Variants in ITGA1 observed in about 807,000 individuals in gnomAD.
The protein encoded by ITGA1 is integrin alpha-1.
A neutral mutation model predicts 145.9 loss-of-function variants in ITGA1; 85 were observed. The observed-to-expected ratio is 0.58, with a 90% CI of 0.49 to 0.70. ITGA1 has a LOEUF of 0.70. ITGA1 is among the 30% of genes least tolerant of loss of function. ITGA1 has a pLI of 0.00. For synonymous variants in ITGA1, 520 were observed against 495.3 expected, an observed-to-expected ratio of 1.05 and a Z score of -0.66; for missense variants, 1,351 against 1,418.7, an observed-to-expected ratio of 0.95 and a Z score of 0.77.
At chr5:52,797,881 A>G (rs78157464) in intron 1 of ITGA1, among the ~76,000 whole-genome samples, 2,357 of 152,328 alleles carry the variant, frequency 0.015, 66 homozygotes, top group African/African-American at 0.054. Context: ...CTCTTCAATA[A>G]AAACCTTTTG....
At chr5:52,947,501 C>A in intron 28 of ITGA1, 40 bp downstream of exon 28, 2 of 1,103,958 alleles carry the variant, frequency 1.8e-6, no homozygotes, top group Non-Finnish European at 2.8e-6. Flanking sequence ...CTTCAATCAT[C>A]AACAGCAAAC....
Position 52,905,881 on chromosome 5 carries a change from A to T in ITGA1, c.1428A>T (p.Lys476Asn). ...IIYRMEDGNI[K>N]ILQTLSGEQI... ...ACAGGATGGAAGATGGAAACATCAA[A>T]ATTCTCCAGACGCTCAGTGGAGAAC... Residue 476 changes from lysine (K) to asparagine (N), a missense_variant, in exon 12 of 29, where the codon AAA (lysine) becomes AAT (asparagine). By Grantham distance (94) the Lys-to-Asn change is moderately conservative. Transcript: ENST00000282588. 1 of 1,613,388 alleles carries T rather than the reference A, an allele frequency of 6.2e-7. No homozygotes were observed. Among genetic ancestry groups the T allele is most frequent in the Non-Finnish European group, 8.5e-7 (1 of 1,179,538 alleles).
chr5:52,898,690 C>G (rs1289341161), intron 11 of ITGA1, among the ~76,000 whole-genome samples: 1 of 152,102 alleles, frequency 6.6e-6, no homozygotes, highest in Non-Finnish European at 1.5e-5. Flanking sequence ...TCAAGGAGAA[C>G]TTTGAACCTG....
At chr5:52,801,448 G>A (rs746603199) in intron 1 of ITGA1, 3 of 1,614,074 alleles carry the variant, frequency 1.9e-6, no homozygotes, top group African/African-American at 1.3e-5. Flanking sequence ...CCTGAAAGAG[G>A]CCCTTTGTGA....
chr5:52,800,033 CCT>C (rs2111659829), intron 1 of ITGA1: 1 of 293,814 alleles, frequency 3.4e-6, no homozygotes, highest in South Asian at 3.7e-5. Flanking sequence ...TGCGGCCCCG[CCT>C]CTCCTTTGGG....
At chr5:52,872,113 T>C (rs889953702) in intron 6 of ITGA1, among the ~76,000 whole-genome samples, 3 of 152,334 alleles carry the variant, frequency 2.0e-5, no homozygotes, top group Non-Finnish European at 2.9e-5. Context: ...AAGTGTAGCA[T>C]AGCATTAAAC....
chr5:52,789,456 G>GA (rs1189518891), intron 1 of ITGA1, among the ~76,000 whole-genome samples: 5 of 152,164 alleles, frequency 3.3e-5, no homozygotes, highest in Non-Finnish European at 7.4e-5. Context: ...ACCTGCCTTA[G>GA]ATGGCCAAGC....
chr5:52,940,826 G>T (rs1209576098), intron 26 of ITGA1, among the ~76,000 whole-genome samples: 1 of 152,010 alleles, frequency 6.6e-6, no homozygotes, highest in East Asian at 1.9e-4. Context: ...TAGATACAGG[G>T]AGTATACATG....
At chr5:52,901,990 C>A (rs550397385) in intron 11 of ITGA1, 2 of 152,102 alleles carry the variant, frequency 1.3e-5, no homozygotes, top group African/African-American at 4.8e-5. Context: ...GGACAAATAC[C>A]TTGTGTTTTT....
chr5:52,908,859 G>C (rs1171194477), intron 12 of ITGA1, 39 bp from the exon 13 acceptor site: 7 of 1,603,050 alleles, frequency 4.4e-6, no homozygotes, highest in Non-Finnish European at 6.0e-6. Context: ...GAGAATTTCT[G>C]TTGTTCATTG....
intron 26 of ITGA1, among the ~76,000 whole-genome samples, chr5:52,940,823 A>T (rs935822158): frequency 6.6e-6 from 1 of 152,166 alleles, no homozygotes. Flanking sequence ...TTTTAGATAC[A>T]GGGAGTATAC....
In ITGA1 at chr5:52,800,449, G is replaced by C. The variant is rs775613671; in HGVS notation, c.61+12035G>C. 6.2e-6 allele frequency: 10 copies of C among 1,614,046 alleles called. No homozygotes were observed. The East Asian group carries it at 1.3e-4, about 22-fold the overall frequency. On this transcript the variant is annotated intron_variant, in intron 1 of 28. Transcript: ENST00000282588. ...GGACAATGCGGGCCAGGTGACCCTG[G>C]TCCCCGAGGAGCCTGAGGACATGTG...
At chr5:52,838,918 GA>G (rs1749206642) in intron 1 of ITGA1, among the ~76,000 whole-genome samples, 1 of 152,020 alleles carries the variant, frequency 6.6e-6, no homozygotes, top group Non-Finnish European at 1.5e-5. Flanking sequence ...GCAACGTGAC[GA>G]GCACTTTTCT....
chr5:52,869,357 C>T lies in ITGA1; in HGVS notation c.624+3540C>T, dbSNP rs766172024. Among the ~76,000 whole-genome samples, 11 of 152,182 alleles carry T rather than the reference C, an allele frequency of 7.2e-5. 1 individual carries two copies. Among genetic ancestry groups the T allele is most frequent in the Admixed American group, 5.2e-4 (8 of 15,286 alleles). On this transcript the variant is annotated intron_variant, in intron 6 of 28. Coordinates refer to ENST00000282588, the MANE Select transcript of ITGA1 (RefSeq NM_181501.2). ...TGTATTTTTAGTAGAGATAGGGTTTCGCCATGTTGGCCAGGCTGGTCTTGA... is the reference window on the plus strand; with the variant it reads ...TGTATTTTTAGTAGAGATAGGGTTTTGCCATGTTGGCCAGGCTGGTCTTGA...
chr5:52,846,856 A>G (rs1031576014), intron 1 of ITGA1, among the ~76,000 whole-genome samples: 2 of 152,276 alleles, frequency 1.3e-5, no homozygotes, highest in African/African-American at 4.8e-5. Context: ...CCCTTTAAAA[A>G]TCTTAATTGA....
intron 16 of ITGA1, among the ~76,000 whole-genome samples, chr5:52,919,291 C>T (rs1380126878): frequency 1.3e-5 from 2 of 152,158 alleles, no homozygotes; most frequent in East Asian, 3.9e-4. Flanking sequence ...CTCTTGCCCC[C>T]TCTTGGGAAA....
At chr5:52,832,779 G>GTGTGTCTC (rs1554042262) in intron 1 of ITGA1, among the ~76,000 whole-genome samples, 51 of 132,274 alleles carry the variant, frequency 3.9e-4, no homozygotes, top group African/African-American at 1.5e-3. Context: ...GTGTGTGTGT[G>GTGTGTCTC]TGTGTGTGTG....
intron 1 of ITGA1, among the ~76,000 whole-genome samples, chr5:52,848,093 C>T (rs953663366): frequency 6.6e-6 from 1 of 152,132 alleles, no homozygotes; most frequent in Admixed American, 6.5e-5. Flanking sequence ...TTAGATATAT[C>T]ATGTGATTTA....
At chr5:52,834,384 C>T (rs1421514285) in intron 1 of ITGA1, among the ~76,000 whole-genome samples, 1 of 151,862 alleles carries the variant, frequency 6.6e-6, no homozygotes, top group South Asian at 2.1e-4. Context: ...TGGCCATCTT[C>T]TTGCCGTATC....
Sources: allele counts gnomAD v4.1 joint callset (sites outside exome capture counted in the v4.1 genomes callset), GRCh38; gene constraint gnomAD v4.1.1; transcripts MANE v1.5; gene names NCBI Gene and HGNC (gene_info 2026-07-23, HGNC 2026-07-21).